TENM4: variants seen among roughly 807,000 people sequenced by gnomAD.
TENM4 encodes the protein teneurin-4.
TENM4 carries 82 observed loss-of-function variants against 243.3 expected under a neutral mutation model. That is an observed-to-expected ratio of 0.34 (90% CI 0.28 to 0.40). The LOEUF (loss-of-function observed/expected upper bound fraction) is 0.40. Ranked by LOEUF, TENM4 falls within the 10% of genes least tolerant of loss-of-function variation. TENM4 has a pLI of 1.00. For synonymous variants in TENM4, 1,412 were observed against 1,456.3 expected (o/e 0.97, Z 0.69); for missense variants, 3,138 against 3,673.3 (o/e 0.85, Z 3.77).
intron 6 of TENM4, among the ~76,000 whole-genome samples, chr11:78,928,022 C>G (rs1856587539): frequency 6.6e-6 from 1 of 152,176 alleles, no homozygotes; most frequent in Non-Finnish European, 1.5e-5. Flanking sequence ...ACCCACATCT[C>G]CCTACTGCCT....
intron 29 of TENM4, among the ~76,000 whole-genome samples, chr11:78,676,796 G>C (rs1412233585): frequency 6.6e-6 from 1 of 152,126 alleles, no homozygotes; most frequent in Non-Finnish European, 1.5e-5. Context: ...GCCTCAAATA[G>C]ATACTCAGTT....
Position 79,023,386 on chromosome 11 carries a change from C to T in TENM4, c.493+41352G>A, listed in dbSNP as rs185514363. ...ACCAGCCTGGCCATCATGGCAAAACCCCGTCTCTACTAAAAAAATACAAAA... is the reference window on the plus strand; with the variant it reads ...ACCAGCCTGGCCATCATGGCAAAACTCCGTCTCTACTAAAAAAATACAAAA... On this transcript the variant is annotated intron_variant, in intron 6 of 33. Transcript: ENST00000278550. Among the ~76,000 whole-genome samples, 1,256 of 152,014 alleles carry T rather than the reference C, an allele frequency of 8.3e-3. 10 individuals carry two copies. Among genetic ancestry groups the T allele is most frequent in the African/African-American group, 0.029 (1,183 of 41,456 alleles).
intron 2 of TENM4, among the ~76,000 whole-genome samples, chr11:79,268,768 T>C (rs1855921389): frequency 6.6e-6 from 1 of 152,266 alleles, no homozygotes; most frequent in African/African-American, 2.4e-5. Flanking sequence ...ACTACACTTT[T>C]CACATTTTTG....
chr11:78,850,948 G>A (rs1475258034), intron 12 of TENM4, among the ~76,000 whole-genome samples: 3 of 152,188 alleles, frequency 2.0e-5, no homozygotes, highest in Non-Finnish European at 2.9e-5. Flanking sequence ...TAAGGCGTCT[G>A]TCTTCAAAGC....
In TENM4 at chr11:79,299,260, C is replaced by T. The variant is rs1197675416; in HGVS notation, c.-320-1717G>A. Among the ~76,000 whole-genome samples, 3 of 152,156 alleles carry T rather than the reference C, an allele frequency of 2.0e-5. No homozygotes were observed. In the East Asian group the frequency reaches 5.8e-4, roughly 29 times the overall value. ...TTCAGAACTGAAGTCTTTCATCTTT[C>T]AAAGCTGAAATCGTAAAAATGCCTA... On this transcript the variant is annotated intron_variant, in intron 1 of 33. Coordinates refer to ENST00000278550, the MANE Select transcript of TENM4 (RefSeq NM_001098816.3).
intron 6 of TENM4, among the ~76,000 whole-genome samples, chr11:78,942,473 G>T (rs1349246369): frequency 6.6e-6 from 1 of 151,234 alleles, no homozygotes; most frequent in Admixed American, 6.6e-5. Flanking sequence ...TGCAAATAAG[G>T]TCTCATAATT....
At chr11:79,341,903 A>G (rs1485299301) in intron 1 of TENM4, among the ~76,000 whole-genome samples, 1 of 152,230 alleles carries the variant, frequency 6.6e-6, no homozygotes, top group Non-Finnish European at 1.5e-5. Flanking sequence ...GAGTTCCAGC[A>G]AATATACCCT....
At chr11:78,888,491 G>C (rs918710819) in intron 9 of TENM4, among the ~76,000 whole-genome samples, 1 of 152,152 alleles carries the variant, frequency 6.6e-6, no homozygotes, top group Non-Finnish European at 1.5e-5. Flanking sequence ...TCATCTTCCT[G>C]GTCACTTATT....
At chr11:79,192,394 G>A (rs112390113) in intron 3 of TENM4, among the ~76,000 whole-genome samples, 1,815 of 152,294 alleles carry the variant, frequency 0.012, 40 homozygotes, top group African/African-American at 0.041. Context: ...AAGTAGACAC[G>A]GGAGACTTTT....
At chr11:78,849,697 G>A (rs1858486151) in intron 12 of TENM4, among the ~76,000 whole-genome samples, 1 of 152,134 alleles carries the variant, frequency 6.6e-6, no homozygotes, top group Non-Finnish European at 1.5e-5. Context: ...CATAAGCTTT[G>A]GAGTCAGACA....
chr11:79,160,346 T>C (rs7106599), intron 3 of TENM4, among the ~76,000 whole-genome samples: 8,295 of 152,256 alleles, frequency 0.054, 764 homozygotes, highest in African/African-American at 0.19. Flanking sequence ...CAAACTCCTC[T>C]AGTATCCAGG....
chr11:78,782,916 G>C (rs1293155162), intron 16 of TENM4, among the ~76,000 whole-genome samples: 6 of 152,106 alleles, frequency 3.9e-5, no homozygotes, highest in African/African-American at 1.4e-4. Flanking sequence ...GGAAGCTTTT[G>C]TTTAAAAATC....
At chr11:78,784,477 A>G (rs1856896028) in intron 16 of TENM4, among the ~76,000 whole-genome samples, 2 of 152,160 alleles carry the variant, frequency 1.3e-5, no homozygotes, top group Admixed American at 1.3e-4. Context: ...AGAGAAGGTT[A>G]CCATGCAGGA....
intron 6 of TENM4, among the ~76,000 whole-genome samples, chr11:79,060,372 G>C (rs1032239167): frequency 2.0e-5 from 3 of 152,216 alleles, no homozygotes; most frequent in African/African-American, 7.2e-5. Context: ...GGCAGAAATT[G>C]TCTTTAATGG....
At chr11:79,022,091 G>A (rs763585858) in intron 6 of TENM4, among the ~76,000 whole-genome samples, 26 of 152,256 alleles carry the variant, frequency 1.7e-4, no homozygotes, top group African/African-American at 5.5e-4. Context: ...TAACATAAGC[G>A]TTAGGGAGGT....
At position 79,438,040 on chromosome 11, in the gene TENM4, G is replaced by A. The variant is rs540602890; in HGVS notation, c.-321+2469C>T. On this transcript the variant is annotated intron_variant, in intron 1 of 33. Coordinates refer to ENST00000278550, the MANE Select transcript of TENM4 (RefSeq NM_001098816.3). The surrounding 1 kb of genome is among the most constrained non-coding windows in gnomAD (Gnocchi z 4.1). ...GAGGGAGGATTTATTTTACAGCAAG[G>A]AACAGATTCAGACAGATCGGGGATT... Among the ~76,000 whole-genome samples, 1 of 152,306 alleles carries A rather than the reference G, an allele frequency of 6.6e-6. No homozygotes were observed. The highest frequency in any genetic ancestry group is 2.1e-4 in the South Asian group (1 of 4,824).
At chr11:79,415,607 G>T (rs1328372096) in intron 1 of TENM4, among the ~76,000 whole-genome samples, 1 of 152,138 alleles carries the variant, frequency 6.6e-6, no homozygotes, top group Non-Finnish European at 1.5e-5. Flanking sequence ...TGAGTGCTGG[G>T]GCTGGGAGTC....
chr11:79,375,859 A>G (rs1857881028), intron 1 of TENM4, among the ~76,000 whole-genome samples: 1 of 152,152 alleles, frequency 6.6e-6, no homozygotes, highest in Non-Finnish European at 1.5e-5. Flanking sequence ...GCATTCTAGA[A>G]GGGGGCGGTG....
intron 1 of TENM4, among the ~76,000 whole-genome samples, chr11:79,332,784 G>C (rs1317277528): frequency 6.6e-6 from 1 of 152,120 alleles, no homozygotes; most frequent in Non-Finnish European, 1.5e-5. Flanking sequence ...CCTCTACGTT[G>C]TCCTGGCTAA....
Sources: allele counts gnomAD v4.1 joint callset (sites outside exome capture counted in the v4.1 genomes callset), GRCh38; gene constraint gnomAD v4.1.1; non-coding constraint Gnocchi (gnomAD v3.1); transcripts MANE v1.5; gene names NCBI Gene and HGNC (gene_info 2026-07-23, HGNC 2026-07-21).